The following RAB11A variants were observed in gnomAD, a reference collection of about 807,000 sequenced individuals.
RAB11A encodes RAB11A, member RAS oncogene family.
In RAB11A, 9 loss-of-function variants were observed where a neutral mutation model predicts 28.0. The ratio of observed to expected loss-of-function variants is 0.32; its 90% CI spans 0.19 to 0.56. The LOEUF is 0.56. RAB11A is among the 20% of genes least tolerant of loss of function. The pLI is 0.91. For missense variants in RAB11A, 108 were observed against 269.6 expected (o/e 0.40, Z 4.20); for synonymous variants, 85 against 88.2 (o/e 0.96, Z 0.20).
Position 65,891,326 on chromosome 15 carries a change from A to G in RAB11A, c.*3486A>G, listed in dbSNP as rs141165234. 14 of 152,364 alleles carry G rather than the reference A, an allele frequency of 9.2e-5. No homozygotes were observed. The East Asian group carries it at 1.9e-3, about 21-fold the overall frequency. The allele number at this position is 152,364 out of a possible 1,614,324, so 9.4% of individuals were successfully genotyped here. A position where few individuals can be genotyped will look rare whatever the true frequency, so the allele number is the denominator to read the frequency against. ...AGAATCAATATGATTGAGGTTATCT[A>G]TTCTCCTGAAAAGTGAATTGGAGAA... On this transcript the variant is annotated 3_prime_UTR_variant, in exon 5 of 5. Coordinates refer to ENST00000261890, the MANE Select transcript of RAB11A (RefSeq NM_004663.5).
intron 4 of RAB11A, among the ~76,000 whole-genome samples, chr15:65,883,743 G>A (rs1175451618): frequency 6.6e-5 from 10 of 152,106 alleles, no homozygotes; most frequent in Admixed American, 6.6e-5. Context: ...AGTAGAGACC[G>A]GTTTTACCAT....
chr15:65,886,967 C>T (rs28735537), intron 4 of RAB11A, among the ~76,000 whole-genome samples: 2,170 of 152,076 alleles, frequency 0.014, 63 homozygotes, highest in African/African-American at 0.049. Flanking sequence ...TTCCAAGAAT[C>T]GTTTGGGATT....
At chr15:65,869,758 C>T in intron 1 of RAB11A, 133 bp downstream of exon 1, 1 of 960,504 alleles carries the variant, frequency 1.0e-6, no homozygotes, top group Non-Finnish European at 1.5e-6. Flanking sequence ...GCGGTTCCGT[C>T]TCCTACCCAG....
chr15:65,871,063 A>T (rs2078157832), intron 1 of RAB11A, among the ~76,000 whole-genome samples: 1 of 152,166 alleles, frequency 6.6e-6, no homozygotes, highest in Admixed American at 6.5e-5. Flanking sequence ...TTAAAGCTTT[A>T]CTGTGGAGGG....
chr15:65,879,109 C>T (rs1461948657), intron 3 of RAB11A, among the ~76,000 whole-genome samples: 1 of 151,686 alleles, frequency 6.6e-6, no homozygotes, highest in Non-Finnish European at 1.5e-5. Flanking sequence ...TCTTCCACCT[C>T]AGCCTCCTAA....
chr15:65,877,298 C>T lies in RAB11A; in HGVS notation c.41-34C>T. 1 of 1,532,128 alleles carries T rather than the reference C, an allele frequency of 6.5e-7. No homozygotes were observed. The allele number at this position is 1,532,128 out of a possible 1,614,324, so 94.9% of individuals were successfully genotyped here. On this transcript the variant is annotated intron_variant, in intron 1 of 4. Transcript: ENST00000261890. The surrounding 1 kb of genome is among the most constrained non-coding windows in gnomAD (Gnocchi z 4.1). The stretch of plus-strand genomic sequence containing the variant: ...AGTGGTGTTCTGAATATGTTTGCCT[C>T]ATTCATCTGACATTGAATTCTTTGT...
chr15:65,881,306 A>AT (rs2078221336), intron 4 of RAB11A, among the ~76,000 whole-genome samples: 1 of 152,140 alleles, frequency 6.6e-6, no homozygotes, highest in Non-Finnish European at 1.5e-5. Flanking sequence ...TTAAGTCAAC[A>AT]TGTAGAGTAC....
chr15:65,873,069 C>T (rs1596782046), intron 1 of RAB11A, among the ~76,000 whole-genome samples: 1 of 152,166 alleles, frequency 6.6e-6, no homozygotes, highest in Non-Finnish European at 1.5e-5. Flanking sequence ...GCGAGCAGGA[C>T]AATTATTCTA....
chr15:65,869,715 T>A (rs1374916197), intron 1 of RAB11A, 90 bp downstream of exon 1: 7 of 1,337,076 alleles, frequency 5.2e-6, no homozygotes, highest in Non-Finnish European at 7.3e-6. Context: ...ACCCCTGCAC[T>A]GATATAGGCC....
At chr15:65,871,444 T>C (rs898132332) in intron 1 of RAB11A, among the ~76,000 whole-genome samples, 2 of 152,144 alleles carry the variant, frequency 1.3e-5, no homozygotes, top group African/African-American at 4.8e-5. Context: ...GACTTTGGGG[T>C]TAAAGGTTAG....
At chr15:65,883,796 C>T (rs1407705669) in intron 4 of RAB11A, among the ~76,000 whole-genome samples, 1 of 152,046 alleles carries the variant, frequency 6.6e-6, no homozygotes, top group Non-Finnish European at 1.5e-5. Context: ...ACGTGATTCG[C>T]CTGGCCTCCT....
intron 1 of RAB11A, chr15:65,869,916 T>G: frequency 2.0e-5 from 6 of 294,364 alleles, no homozygotes; most frequent in Non-Finnish European, 2.5e-5. Flanking sequence ...TCGAATTCCT[T>G]TCCCCGGGTT....
intron 4 of RAB11A, among the ~76,000 whole-genome samples, chr15:65,883,901 A>G (rs1159023625): frequency 6.6e-6 from 1 of 152,226 alleles, no homozygotes; most frequent in Non-Finnish European, 1.5e-5. Flanking sequence ...TTAGAGATGT[A>G]TTAACTGAAT....
At chr15:65,885,989 T>C (rs925064436) in intron 4 of RAB11A, among the ~76,000 whole-genome samples, 1 of 152,006 alleles carries the variant, frequency 6.6e-6, no homozygotes, top group African/African-American at 2.4e-5. Flanking sequence ...CGTGAAAGAG[T>C]CTGTTTAAGT....
chr15:65,877,737 A>G lies in RAB11A; in HGVS notation c.237-25A>G. The G allele has an allele frequency of 6.5e-7, 1 of 1,533,504 alleles. No individual in the cohort carries two copies. 95.0% of individuals were successfully genotyped at this position (1,533,504 alleles called of 1,614,324 possible). ...TTTGCTTCCATCTTGTGGTTTTCTG[A>G]TACTAAATATGTTTCTGTTTTCAGA... On this transcript the variant is annotated intron_variant, in intron 2 of 4. Coordinates refer to ENST00000261890, the MANE Select transcript of RAB11A (RefSeq NM_004663.5). The surrounding 1 kb of genome is among the most constrained non-coding windows in gnomAD (Gnocchi z 4.1).
chr15:65,869,597 C>G lies in RAB11A; in HGVS notation c.12C>G (p.Arg4=). MGT[R]DDEYDYLFKV... is the part of the protein sequence containing the mutation. ...TCCTCGGCCGCGCAATGGGCACCCG[C>G]GACGACGAGTACGACTACCTCTTTA... The change falls in exon 1 of 5, where the codon CGC becomes CGG. Residue 4 remains arginine, a synonymous_variant. Transcript: ENST00000261890. The G allele has an allele frequency of 6.2e-7, 1 of 1,611,522 alleles. No individual in the cohort carries two copies. The highest frequency in any genetic ancestry group is 1.1e-5 in the South Asian group (1 of 91,074).
rs1206209894 is a variant in RAB11A, at chr15:65,890,507, A to G, written c.*2667A>G. 6.6e-6 allele frequency: 1 copy of G among 152,162 alleles called. No individual in the cohort carries two copies. The highest frequency in any genetic ancestry group is 1.5e-5 in the Non-Finnish European group (1 of 68,016). 9.4% of individuals were successfully genotyped at this position (152,162 alleles called of 1,614,324 possible). On this transcript the variant is annotated 3_prime_UTR_variant, in exon 5 of 5. Coordinates refer to ENST00000261890, the MANE Select transcript of RAB11A (RefSeq NM_004663.5). ...GTAAGTTATTGCCCATTTAATTGTA[A>G]TTATAAGAAGAGGTGCCAGCTAGTG...
Position 65,881,068 on chromosome 15 carries a change from G to T in RAB11A, c.511+1317G>T, listed in dbSNP as rs148279783. The stretch of plus-strand genomic sequence containing the variant: ...AAATTAGTAGCTGAACGGCAATTAA[G>T]GCATGAGAAAATTGGAGATTTATGT... On this transcript the variant is annotated intron_variant, in intron 4 of 4. Transcript: ENST00000261890. Among the ~76,000 whole-genome samples the T allele has an allele frequency of 2.4e-3, 365 of 152,194 alleles. 2 individuals carry two copies. The Middle Eastern group carries it at 0.027, about 11-fold the overall frequency.
Position 65,888,213 on chromosome 15 carries a change from A to G in RAB11A, c.*373A>G, listed in dbSNP as rs1366860657. The G allele has an allele frequency of 6.1e-6, 1 of 162,906 alleles. No individual in the cohort carries two copies. The highest frequency in any genetic ancestry group is 1.3e-5 in the Non-Finnish European group (1 of 75,360). The allele number at this position is 162,906 out of a possible 1,614,324, so 10.1% of individuals were successfully genotyped here. On this transcript the variant is annotated 3_prime_UTR_variant, in exon 5 of 5. Coordinates refer to ENST00000261890, the MANE Select transcript of RAB11A (RefSeq NM_004663.5). ...AAGAAGACCTTAGAAATAAGCTACC[A>G]TTTTGCCACAGAGCAGCTTATAGGT... is the stretch of plus-strand genomic sequence containing the variant.
Sources: allele counts gnomAD v4.1 joint callset (sites outside exome capture counted in the v4.1 genomes callset), GRCh38; gene constraint gnomAD v4.1.1; non-coding constraint Gnocchi (gnomAD v3.1); transcripts MANE v1.5; gene names NCBI Gene and HGNC (gene_info 2026-07-23, HGNC 2026-07-21).